The following SEH1L variants were observed in gnomAD, a reference collection of about 807,000 sequenced individuals.
SEH1L encodes SEH1 like nucleoporin, also known as nucleoporin SEH1.
A neutral mutation model predicts 49.5 loss-of-function variants in SEH1L; 18 were observed. The ratio of observed to expected loss-of-function variants is 0.36; its 90% CI spans 0.25 to 0.54. The LOEUF is 0.54. Ranked by LOEUF, SEH1L falls within the 20% of genes least tolerant of loss-of-function variation. The probability of loss-of-function intolerance (pLI) is 0.87; values close to 1 mark genes in which losing one functional copy is unlikely to be tolerated. For synonymous variants in SEH1L, 169 were observed against 178.1 expected, an observed-to-expected ratio of 0.95 and a Z score of 0.41; for missense variants, 404 against 528.8, an observed-to-expected ratio of 0.76 and a Z score of 2.31.
chr18:12,955,339 T>C (rs1194877565), intron 2 of SEH1L, 124 bp from the exon 3 acceptor site: 13 of 866,258 alleles, frequency 1.5e-5, no homozygotes, highest in Non-Finnish European at 2.1e-5. Flanking sequence ...CTCATAGAAG[T>C]AAAACTATAT....
At chr18:12,980,221 C>T (rs868733007) in intron 6 of SEH1L, among the ~76,000 whole-genome samples, 3 of 137,820 alleles carry the variant, frequency 2.2e-5, no homozygotes, top group African/African-American at 5.4e-5. Flanking sequence ...CTGACCCCCC[C>T]ACCTCCCTCC....
intron 5 of SEH1L, chr18:12,973,186 C>T (rs149922315): frequency 8.0e-4 from 121 of 151,096 alleles, no homozygotes; most frequent in African/African-American, 2.9e-3. Context: ...CCAGCAGTGT[C>T]AAAAAAAGAT....
chr18:12,969,558 C>T (rs898484279), intron 4 of SEH1L, among the ~76,000 whole-genome samples: 10 of 151,860 alleles, frequency 6.6e-5, no homozygotes, highest in African/African-American at 9.7e-5. Context: ...CGTGGTGGCG[C>T]GTGCCTGTAA....
chr18:12,969,132 C>T (rs550751796), intron 4 of SEH1L, among the ~76,000 whole-genome samples: 5 of 146,724 alleles, frequency 3.4e-5, no homozygotes, highest in African/African-American at 1.0e-4. Context: ...ATCATTGAAC[C>T]TGGGAGGTAG....
rs554886753 is a variant in SEH1L, at chr18:12,981,850, A to ATTTTTTTTTTTTTTTT, written c.762-656_762-641dup. Among the ~76,000 whole-genome samples, 9 of 88,192 alleles carry ATTTTTTTTTTTTTTTT rather than the reference A, an allele frequency of 1.0e-4. 2 individuals are homozygous for ATTTTTTTTTTTTTTTT. Among genetic ancestry groups the ATTTTTTTTTTTTTTTT allele is most frequent in the African/African-American group, 5.1e-4 (9 of 17,578 alleles). The allele number at this position is 88,192 out of a possible 152,430, so 57.9% of individuals were successfully genotyped here. On this transcript the variant is annotated intron_variant, in intron 6 of 8. Transcript: ENST00000399892. ...TTCTTTCCTACTTGCTGCCCTGCCC[A>ATTTTTTTTTTTTTTTT]TTTTTTTTTTTTTTTTTTTTTTTTT...
At chr18:12,956,130 C>T (rs1476147267) in intron 3 of SEH1L, among the ~76,000 whole-genome samples, 3 of 151,450 alleles carry the variant, frequency 2.0e-5, no homozygotes, top group Admixed American at 6.6e-5. Flanking sequence ...CTGCAAGCTC[C>T]GCCTCCCGGG....
In SEH1L at chr18:12,962,579, C is replaced by G. The variant is rs1039854485; in HGVS notation, c.310-581C>G. 6.0e-5 allele frequency among the ~76,000 whole-genome samples: 9 copies of G among 149,680 alleles called. No individual in the cohort carries two copies. The East Asian group carries it at 1.6e-3, about 26-fold the overall frequency. On this transcript the variant is annotated intron_variant, in intron 3 of 8. Transcript: ENST00000399892. ...GCCCCACTGGCTCAAGCGATCCACC[C>G]GCCTCAGCCTCCGGAATAGCTGGGG...
chr18:12,975,125 T>C (rs2031865853), intron 5 of SEH1L, among the ~76,000 whole-genome samples: 2 of 152,016 alleles, frequency 1.3e-5, no homozygotes, highest in Admixed American at 6.6e-5. Flanking sequence ...CCCAAGTAGC[T>C]GGGATCACAG....
At chr18:12,984,937 A>G in intron 8 of SEH1L, 1 of 249,716 alleles carries the variant, frequency 4.0e-6, no homozygotes, top group Non-Finnish European at 7.5e-6. Context: ...TAAAATTTCA[A>G]CTATTTTTAT....
rs1568227514 is a variant in SEH1L at position 12,978,881 on chromosome 18, A to G, written c.750A>G (p.Leu250=). 1.2e-6 allele frequency: 2 copies of G among 1,613,976 alleles called. No individual in the cohort carries two copies. The highest frequency in any genetic ancestry group is 4.5e-5 in the East Asian group (2 of 44,860). ...IATKDVRIFT[L]KPVRKELTSS... is the part of the protein sequence containing the mutation. ...CCAAAGATGTGAGAATTTTTACATT[A>G]AAGCCTGTGAGGTGAGTTTTAGAAG... The change falls in exon 6 of 9, where the codon TTA becomes TTG. Residue 250 remains leucine (L), a synonymous_variant. Transcript: ENST00000399892.
chr18:12,963,541 C>T (rs565430919), intron 4 of SEH1L, among the ~76,000 whole-genome samples, 170 bp downstream of exon 4: 2 of 152,218 alleles, frequency 1.3e-5, no homozygotes, highest in Non-Finnish European at 2.9e-5. Flanking sequence ...TTTCACTCAA[C>T]AGAGGAAGCC....
At position 12,956,706 on chromosome 18, in the gene SEH1L, A is replaced by G. The variant is rs905325302; in HGVS notation, c.309+1097A>G. Among the ~76,000 whole-genome samples, 6 of 149,284 alleles carry G rather than the reference A, an allele frequency of 4.0e-5. No individual in the cohort carries two copies. In the Admixed American group the frequency reaches 4.0e-4, roughly 10 times the overall value. On this transcript the variant is annotated intron_variant, in intron 3 of 8. Transcript: ENST00000399892. ...GTCCAGTTCTTCTGACATTTTACTA[A>G]TAAAAGAAAAATCTAGCCAGATAAA...
intron 4 of SEH1L, among the ~76,000 whole-genome samples, chr18:12,969,218 C>G (rs1459762655): frequency 6.0e-5 from 3 of 50,096 alleles, no homozygotes; most frequent in African/African-American, 1.5e-4. Flanking sequence ...CCCGCCCCCC[C>G]CCCCCCCCCC....
chr18:12,951,965 T>C, intron 2 of SEH1L, 60 bp downstream of exon 2: 1 of 929,340 alleles, frequency 1.1e-6, no homozygotes, highest in Non-Finnish European at 1.6e-6. Flanking sequence ...TATTTTATAG[T>C]TATCTATGAA....
intron 4 of SEH1L, among the ~76,000 whole-genome samples, chr18:12,968,198 T>C (rs2031538145): frequency 6.6e-6 from 1 of 152,226 alleles, no homozygotes; most frequent in Admixed American, 6.5e-5. Context: ...TGCTGGGTGC[T>C]CTGTTGTGTT....
chr18:12,966,095 T>C (rs935697649), intron 4 of SEH1L, among the ~76,000 whole-genome samples: 8 of 68,616 alleles, frequency 1.2e-4, no homozygotes, highest in African/African-American at 4.9e-4. Flanking sequence ...ATTTTTATGG[T>C]TTTTTTTTTT....
chr18:12,975,691 T>G, intron 5 of SEH1L: 4 of 985,512 alleles, frequency 4.1e-6, no homozygotes, highest in Non-Finnish European at 4.8e-6. Flanking sequence ...TTTGGACTTT[T>G]GCAGGGTCCA....
chr18:12,963,109 A>T (rs1302072968), intron 3 of SEH1L, 51 bp from the exon 4 acceptor site: 1 of 1,363,788 alleles, frequency 7.3e-7, no homozygotes, highest in African/African-American at 1.5e-5. Flanking sequence ...TTTCCACTCT[A>T]CCATGCTTTC....
chr18:12,955,669 T>G, intron 3 of SEH1L, 60 bp downstream of exon 3: 1 of 1,554,126 alleles, frequency 6.4e-7, no homozygotes, highest in Non-Finnish European at 8.8e-7. Flanking sequence ...GGAGCATTCA[T>G]CCGAAGGCTA....
Sources: gnomAD v4.1 joint callset for allele counts (sites outside exome capture counted in the v4.1 genomes callset) on GRCh38, gnomAD v4.1.1 for gene constraint, MANE v1.5 for transcripts, NCBI Gene and HGNC (gene_info 2026-07-23, HGNC 2026-07-21) for gene names.